The following SDHAF3 variants were observed in gnomAD, a reference collection of about 807,000 sequenced individuals.
The protein encoded by SDHAF3 is succinate dehydrogenase assembly factor 3, mitochondrial.
Under a neutral mutation model 11.5 loss-of-function variants are expected in SDHAF3, and 18 were observed. The observed-to-expected ratio is 1.56, with a 90% CI of 1.08 to 2.32. SDHAF3 has a LOEUF of 2.32. SDHAF3 is among the 30% of genes most tolerant of loss of function. The pLI, the probability that SDHAF3 is intolerant of heterozygous loss-of-function variation, is 0.00. For missense variants in SDHAF3, 200 were observed against 154.4 expected, an observed-to-expected ratio of 1.30 and a Z score of -1.57; for synonymous variants, 72 against 59.3, an observed-to-expected ratio of 1.21 and a Z score of -0.99.
intron 1 of SDHAF3, among the ~76,000 whole-genome samples, chr7:97,177,066 TAAA>T (rs1370343677): frequency 6.6e-6 from 1 of 152,156 alleles, no homozygotes; most frequent in African/African-American, 2.4e-5. Flanking sequence ...TTTAAACTTT[TAAA>T]AAAGATTTTT....
chr7:97,172,397 T>C (rs1789614565), intron 1 of SDHAF3, among the ~76,000 whole-genome samples: 1 of 152,196 alleles, frequency 6.6e-6, no homozygotes, highest in Admixed American at 6.5e-5. Flanking sequence ...ATAGTCCTGT[T>C]ACTCAGAGTC....
At chr7:97,139,234 T>G (rs182465260) in intron 1 of SDHAF3, among the ~76,000 whole-genome samples, 484 of 152,288 alleles carry the variant, frequency 3.2e-3, no homozygotes, top group Non-Finnish European at 5.1e-3. Context: ...GAGAAGAGTT[T>G]TATTGAACAA....
At chr7:97,132,690 A>G (rs1791688701) in intron 1 of SDHAF3, among the ~76,000 whole-genome samples, 2 of 152,024 alleles carry the variant, frequency 1.3e-5, no homozygotes, top group Admixed American at 1.3e-4. Context: ...GTGAGGTAGG[A>G]TTGGGAGGGG....
intron 1 of SDHAF3, among the ~76,000 whole-genome samples, chr7:97,173,048 T>A (rs1014341): frequency 1.3e-5 from 2 of 151,928 alleles, no homozygotes; most frequent in Non-Finnish European, 2.9e-5. Context: ...ACCTAGATAC[T>A]TTGCATAGGC....
intron 1 of SDHAF3, among the ~76,000 whole-genome samples, chr7:97,168,390 A>G (rs992995356): frequency 6.6e-6 from 1 of 152,204 alleles, no homozygotes; most frequent in African/African-American, 2.4e-5. Context: ...TCTAGTTCCC[A>G]GGCAAGAAGG....
At chr7:97,140,059 G>A (rs542187369) in intron 1 of SDHAF3, among the ~76,000 whole-genome samples, 17 of 152,232 alleles carry the variant, frequency 1.1e-4, no homozygotes, top group South Asian at 4.2e-4. Context: ...AATCTGGCCC[G>A]AATATATTTT....
chr7:97,125,229 G>T (rs547219309), intron 1 of SDHAF3, among the ~76,000 whole-genome samples: 1 of 152,166 alleles, frequency 6.6e-6, no homozygotes, highest in South Asian at 2.1e-4. Flanking sequence ...CTCTCCTTCA[G>T]TTCTGGTCTG....
At chr7:97,133,862 T>A (rs769547213) in intron 1 of SDHAF3, among the ~76,000 whole-genome samples, 19 of 152,320 alleles carry the variant, frequency 1.2e-4, no homozygotes, top group East Asian at 3.9e-4. Flanking sequence ...TTCGAATAGA[T>A]TTAAAAATTA....
At chr7:97,140,986 A>G (rs1007365806) in intron 1 of SDHAF3, among the ~76,000 whole-genome samples, 3 of 152,260 alleles carry the variant, frequency 2.0e-5, no homozygotes, top group African/African-American at 4.8e-5. Context: ...TCTTTTTCTC[A>G]GCAAGGAACA....
At chr7:97,163,213 C>T (rs1485819945) in intron 1 of SDHAF3, among the ~76,000 whole-genome samples, 1 of 138,362 alleles carries the variant, frequency 7.2e-6, no homozygotes, top group African/African-American at 2.7e-5. Flanking sequence ...GAAATCTCGG[C>T]TCACTGCAAC....
At chr7:97,173,278 A>C (rs73708880) in intron 1 of SDHAF3, among the ~76,000 whole-genome samples, 90 of 152,338 alleles carry the variant, frequency 5.9e-4, no homozygotes, top group African/African-American at 2.1e-3. Flanking sequence ...GTTACATATG[A>C]ATATGTATAT....
At chr7:97,165,716 G>T (rs1029491809) in intron 1 of SDHAF3, among the ~76,000 whole-genome samples, 1 of 152,322 alleles carries the variant, frequency 6.6e-6, no homozygotes, top group East Asian at 1.9e-4. Flanking sequence ...AACTGAAGAG[G>T]TTAATATGCA....
chr7:97,141,477 T>C (rs1789040089), intron 1 of SDHAF3, among the ~76,000 whole-genome samples: 1 of 152,136 alleles, frequency 6.6e-6, no homozygotes, highest in Non-Finnish European at 1.5e-5. Flanking sequence ...TTTCTCTCTT[T>C]TGTACTCTTT....
At chr7:97,153,346 A>G (rs1463905778) in intron 1 of SDHAF3, among the ~76,000 whole-genome samples, 3 of 152,172 alleles carry the variant, frequency 2.0e-5, no homozygotes, top group Non-Finnish European at 1.5e-5. Flanking sequence ...ATTTGGTAAT[A>G]TGCGTTTAAG....
chr7:97,155,802 A>T (rs1415606929), intron 1 of SDHAF3, among the ~76,000 whole-genome samples: 2 of 151,978 alleles, frequency 1.3e-5, no homozygotes, highest in Non-Finnish European at 2.9e-5. Context: ...GAGCATATAT[A>T]TTTATATATA....
intron 1 of SDHAF3, among the ~76,000 whole-genome samples, chr7:97,159,385 C>T (rs1484293382): frequency 1.3e-5 from 2 of 152,220 alleles, no homozygotes; most frequent in African/African-American, 4.8e-5. Flanking sequence ...GCATCACATT[C>T]ACCAGACTTT....
chr7:97,147,627 G>T (rs183481134), intron 1 of SDHAF3, among the ~76,000 whole-genome samples: 1 of 152,314 alleles, frequency 6.6e-6, no homozygotes, highest in Non-Finnish European at 1.5e-5. Flanking sequence ...GAGTGCTTGT[G>T]CTCAATAGCA....
intron 1 of SDHAF3, among the ~76,000 whole-genome samples, chr7:97,148,775 T>G (rs1016562997): frequency 2.0e-5 from 3 of 152,202 alleles, no homozygotes; most frequent in African/African-American, 7.2e-5. Context: ...TAAAAATGAG[T>G]GAAATTAACT....
chr7:97,150,844 G>A (rs1434308426), intron 1 of SDHAF3, among the ~76,000 whole-genome samples: 2 of 152,176 alleles, frequency 1.3e-5, no homozygotes, highest in East Asian at 3.9e-4. Flanking sequence ...TTACAGGTGT[G>A]AGCCACCGCA....
Sources: gnomAD v4.1 joint callset for allele counts (sites outside exome capture counted in the v4.1 genomes callset) on GRCh38, gnomAD v4.1.1 for gene constraint, MANE v1.5 for transcripts, NCBI Gene and HGNC (gene_info 2026-07-23, HGNC 2026-07-21) for gene names.